Variants in RAB40B observed in about 807,000 individuals in gnomAD.
The protein encoded by RAB40B is RAB40B, member RAS oncogene family.
A neutral mutation model predicts 24.0 loss-of-function variants in RAB40B; 21 were observed. That is an observed-to-expected ratio of 0.88 (90% confidence interval 0.62 to 1.26). The LOEUF (loss-of-function observed/expected upper bound fraction) is 1.26. RAB40B is among the 50% of genes most tolerant of loss of function. The probability of loss-of-function intolerance (pLI) is 0.00; values close to 1 mark genes in which losing one functional copy is unlikely to be tolerated. For missense variants in RAB40B, 348 were observed against 390.5 expected, an observed-to-expected ratio of 0.89 and a Z score of 0.92; for synonymous variants, 167 against 169.8, an observed-to-expected ratio of 0.98 and a Z score of 0.13.
chr17:82,686,173 ACGAT>A (rs1282934443), intron 1 of RAB40B, among the ~76,000 whole-genome samples: 4 of 142,102 alleles, frequency 2.8e-5, no homozygotes, highest in Non-Finnish European at 6.0e-5. Context: ...GTGCAGTGGC[ACGAT>A]CTCAGCTCAC....
intron 1 of RAB40B, among the ~76,000 whole-genome samples, chr17:82,689,862 G>C (rs1047492767): frequency 2.0e-5 from 3 of 151,938 alleles, no homozygotes; most frequent in Non-Finnish European, 4.4e-5. Context: ...GAGCTACTCA[G>C]GAGGCTGAGG....
chr17:82,665,376 C>T (rs1334747781), intron 1 of RAB40B, among the ~76,000 whole-genome samples: 1 of 152,106 alleles, frequency 6.6e-6, no homozygotes, highest in Non-Finnish European at 1.5e-5. Flanking sequence ...CCTCAGTCCC[C>T]TGAGTAGCCG....
At chr17:82,658,792 T>A in intron 4 of RAB40B, 79 bp from the exon 5 acceptor site, 1 of 1,315,434 alleles carries the variant, frequency 7.6e-7, no homozygotes, top group Non-Finnish European at 1.0e-6. Context: ...GTGCTCTGGG[T>A]CGAGGAACCC....
At position 82,697,305 on chromosome 17, in the gene RAB40B, G is replaced by T. The variant is rs552644629; in HGVS notation, c.142+1150C>A. ...CGCCTGCCTGGAGCTGCCCTTAGGG[G>T]ACAGCCTGCACCCTCTACCGAGCAG... is the stretch of plus-strand genomic sequence containing the variant. On this transcript the variant is annotated intron_variant, in intron 1 of 5. Coordinates refer to ENST00000571995, the MANE Select transcript of RAB40B (RefSeq NM_006822.3). The surrounding 1 kb of genome is among the most constrained non-coding windows in gnomAD (Gnocchi z 4.9). Among the ~76,000 whole-genome samples the T allele has an allele frequency of 1.3e-5, 2 of 152,048 alleles. No individual in the cohort carries two copies. The highest frequency in any genetic ancestry group is 2.9e-5 in the Non-Finnish European group (2 of 67,992).
intron 1 of RAB40B, among the ~76,000 whole-genome samples, chr17:82,684,200 G>A (rs2046473670): frequency 7.4e-6 from 1 of 135,408 alleles, no homozygotes; most frequent in African/African-American, 2.7e-5. Flanking sequence ...TAGCCTGGGT[G>A]AGAGAGTGAG....
chr17:82,665,918 C>T (rs1429497708), intron 1 of RAB40B, among the ~76,000 whole-genome samples: 1 of 150,906 alleles, frequency 6.6e-6, no homozygotes, highest in African/African-American at 2.4e-5. Context: ...AAAAAAACTA[C>T]ACTTAAAAAA....
intron 1 of RAB40B, among the ~76,000 whole-genome samples, chr17:82,685,305 A>G (rs2046487845): frequency 6.7e-6 from 1 of 148,776 alleles, no homozygotes. Flanking sequence ...AGGAGGAGAA[A>G]CACCACAGAA....
chr17:82,661,326 T>C, intron 2 of RAB40B: 2 of 1,165,936 alleles, frequency 1.7e-6, no homozygotes, highest in Non-Finnish European at 2.1e-6. Context: ...ATACATTCAA[T>C]GTAGGCTTTA....
At chr17:82,672,293 T>C (rs1273206011) in intron 1 of RAB40B, among the ~76,000 whole-genome samples, 1 of 64,764 alleles carries the variant, frequency 1.5e-5, no homozygotes, top group African/African-American at 4.7e-5. Context: ...ACACACAAAC[T>C]CACACGCTCC....
chr17:82,682,233 A>G (rs2046455467), intron 1 of RAB40B, among the ~76,000 whole-genome samples: 1 of 152,182 alleles, frequency 6.6e-6, no homozygotes, highest in South Asian at 2.1e-4. Flanking sequence ...AAAATATACA[A>G]GGCCAACATG....
Position 82,661,815 on chromosome 17 carries a change from A to G in RAB40B, c.204-768T>C, listed in dbSNP as rs553832610. On this transcript the variant is annotated intron_variant, in intron 2 of 5. Coordinates refer to ENST00000571995, the MANE Select transcript of RAB40B (RefSeq NM_006822.3). ...GGCAGGAGAATTGTTTGAGCCCGGC[A>G]GGCGGAGGTTGCAGTGAGCTGATAT... 57 of 636,750 alleles carry G rather than the reference A, an allele frequency of 9.0e-5. 1 individual carries two copies. The African/African-American group carries it at 9.4e-4, about 10-fold the overall frequency. The allele number at this position is 636,750 out of a possible 1,614,324, so 39.4% of individuals were successfully genotyped here.
In RAB40B at chr17:82,698,609, G is replaced by T. The variant is rs1340016024; in HGVS notation, c.-13C>A. The stretch of plus-strand genomic sequence containing the variant: ...CCAGGGCGCTCATCGTGACGGCCCG[G>T]CGCCCCCACCCATGCCCGGCCTGCG... On this transcript the variant is annotated 5_prime_UTR_variant, in exon 1 of 6. Coordinates refer to ENST00000571995, the MANE Select transcript of RAB40B (RefSeq NM_006822.3). 1.4e-6 allele frequency: 2 copies of T among 1,441,824 alleles called. No homozygotes were observed. Among genetic ancestry groups the T allele is most frequent in the Non-Finnish European group, 1.8e-6 (2 of 1,081,510 alleles). The allele number at this position is 1,441,824 out of a possible 1,614,324, so 89.3% of individuals were successfully genotyped here.
At chr17:82,698,365 A>T in intron 1 of RAB40B, 90 bp downstream of exon 1, 19 of 204,650 alleles carry the variant, frequency 9.3e-5, no homozygotes, top group Non-Finnish European at 1.2e-4. Context: ...GCGTCCCCGG[A>T]CCCGGACCCC....
At position 82,674,070 on chromosome 17, in the gene RAB40B, G is replaced by A. The variant is rs557102095; in HGVS notation, c.143-9514C>T. Among the ~76,000 whole-genome samples, 3 of 152,372 alleles carry A rather than the reference G, an allele frequency of 2.0e-5. No individual in the cohort carries two copies. The South Asian group carries it at 6.2e-4, about 32-fold the overall frequency. ...AAACGCAACAACCTGGCCAGGCGCGGTGGCTCGCGCCTGTAATCCCAGCAC... is the reference window on the plus strand; with the variant it reads ...AAACGCAACAACCTGGCCAGGCGCGATGGCTCGCGCCTGTAATCCCAGCAC... On this transcript the variant is annotated intron_variant, in intron 1 of 5. Coordinates refer to ENST00000571995, the MANE Select transcript of RAB40B (RefSeq NM_006822.3).
At chr17:82,664,024 G>A (rs1446763138) in intron 2 of RAB40B, among the ~76,000 whole-genome samples, 49 of 146,564 alleles carry the variant, frequency 3.3e-4, no homozygotes, top group African/African-American at 9.9e-4. Flanking sequence ...TGTGCCAACG[G>A]TGGTGGGGGA....
intron 1 of RAB40B, among the ~76,000 whole-genome samples, chr17:82,682,793 C>A (rs1354468470): frequency 6.6e-6 from 1 of 152,170 alleles, no homozygotes; most frequent in Non-Finnish European, 1.5e-5. Context: ...GCTGCTGGAA[C>A]AATTAGACAT....
rs560884778 is a variant in RAB40B, at chr17:82,662,570, C to T, written c.204-1523G>A. 1,876 of 985,064 alleles carry T rather than the reference C, an allele frequency of 1.9e-3. 2 individuals are homozygous for T. The highest frequency in any genetic ancestry group is 2.8e-3 in the Admixed American group (45 of 16,254). 61.0% of individuals were successfully genotyped at this position (985,064 alleles called of 1,614,324 possible). ...CAGGCAGAAGACCCAGTTGTGGGCA[C>T]CAGGAAGGACCACACTCTGGGGTCC... On this transcript the variant is annotated intron_variant, in intron 2 of 5. Transcript: ENST00000571995.
In RAB40B at chr17:82,664,536, T is replaced by C. The variant is rs1306050384; in HGVS notation, c.163A>G (p.Thr55Ala). Residue 55 changes from threonine (T) to alanine (A), a missense_variant, in exon 2 of 6, where the codon ACC (threonine) becomes GCC (alanine). Transcript: ENST00000571995. ...ACCCGCCGCCCGTCCAGCAGGATGG[T>C]GGTCGTCTTGTAGTCGATGCCTGCG... ...HPAGIDYKTTTILLDGRRVKL... is the reference protein window; with the variant it reads ...HPAGIDYKTTAILLDGRRVKL... The C allele has an allele frequency of 2.5e-6, 4 of 1,613,596 alleles. No individual in the cohort carries two copies. The highest frequency in any genetic ancestry group is 1.1e-5 in the South Asian group (1 of 91,086).
rs2046300999 is a variant in RAB40B, at chr17:82,669,148, G to C, written c.143-4592C>G. On this transcript the variant is annotated intron_variant, in intron 1 of 5. Coordinates refer to ENST00000571995, the MANE Select transcript of RAB40B (RefSeq NM_006822.3). The stretch of plus-strand genomic sequence containing the variant: ...AGCCCAGGAATTCGAAACCAGCCTG[G>C]GCAACATGGTGAGACCTCATCTCTA... Among the ~76,000 whole-genome samples, 3 of 152,062 alleles carry C rather than the reference G, an allele frequency of 2.0e-5. No homozygotes were observed. In the South Asian group the frequency reaches 6.2e-4, roughly 31 times the overall value.
Sources: gnomAD v4.1 joint callset for allele counts (sites outside exome capture counted in the v4.1 genomes callset) on GRCh38, gnomAD v4.1.1 for gene constraint, Gnocchi (gnomAD v3.1) non-coding constraint, MANE v1.5 for transcripts, NCBI Gene and HGNC (gene_info 2026-07-23, HGNC 2026-07-21) for gene names.